The following CACNA2D2 variants were observed in gnomAD, a reference collection of about 807,000 sequenced individuals.
The protein encoded by CACNA2D2 is voltage-dependent calcium channel subunit alpha-2/delta-2.
A neutral mutation model predicts 166.4 loss-of-function variants in CACNA2D2; 48 were observed. The ratio of observed to expected loss-of-function variants is 0.29; its 90% CI spans 0.23 to 0.37. The LOEUF is 0.37. CACNA2D2 is among the 10% of genes least tolerant of loss of function. CACNA2D2 has a pLI of 1.00. For missense variants in CACNA2D2, 1,122 were observed against 1,433.0 expected (o/e 0.78, Z 3.50); for synonymous variants, 561 against 573.7 (o/e 0.98, Z 0.32).
intron 22 of CACNA2D2, among the ~76,000 whole-genome samples, chr3:50,370,970 G>A (rs1256463127): frequency 6.6e-6 from 1 of 152,064 alleles, no homozygotes; most frequent in African/African-American, 2.4e-5. Context: ...TTTCTCACGG[G>A]CACAAACAGT....
chr3:50,380,654 G>T lies in CACNA2D2; in HGVS notation c.842+94C>A. The T allele has an allele frequency of 1.9e-6, 2 of 1,057,374 alleles. No homozygotes were observed. Among genetic ancestry groups the T allele is most frequent in the Non-Finnish European group, 2.7e-6 (2 of 745,706 alleles). 65.5% of individuals were successfully genotyped at this position (1,057,374 alleles called of 1,614,324 possible). A position where few individuals can be genotyped will look rare whatever the true frequency, so the allele number is the denominator to read the frequency against. On this transcript the variant is annotated intron_variant, in intron 8 of 37. Coordinates refer to ENST00000424201, the MANE Select transcript of CACNA2D2 (RefSeq NM_006030.4). This position sits in a 1 kb window ranked among gnomAD's most constrained non-coding sequence, Gnocchi z 4.9. ...AATTGGATACAGCTGGCTGCGCCCTGCTAGGAGGCTTGGAAATGGGGAGGG... is the reference window on the plus strand; with the variant it reads ...AATTGGATACAGCTGGCTGCGCCCTTCTAGGAGGCTTGGAAATGGGGAGGG...
intron 2 of CACNA2D2, among the ~76,000 whole-genome samples, chr3:50,438,861 A>G (rs770360638): frequency 3.3e-5 from 5 of 152,214 alleles, no homozygotes; most frequent in Admixed American, 6.5e-5. Flanking sequence ...GGGAAAAGCA[A>G]GGAGGAAGGG....
chr3:50,368,770 G>A (rs1041133744), intron 23 of CACNA2D2, among the ~76,000 whole-genome samples: 1 of 152,188 alleles, frequency 6.6e-6, no homozygotes, highest in Non-Finnish European at 1.5e-5. Context: ...TGGGTCCTCC[G>A]ACTGGCTGTT....
rs527941630 is a variant in CACNA2D2 at position 50,415,702 on chromosome 3, G to C, written c.405+18611C>G. 7.3e-5 allele frequency: 11 copies of C among 149,748 alleles called. No individual in the cohort carries two copies. The East Asian group carries it at 2.1e-3, about 29-fold the overall frequency. The allele number at this position is 149,748 out of a possible 1,614,324, so 9.3% of individuals were successfully genotyped here. On this transcript the variant is annotated intron_variant, in intron 3 of 37. Coordinates refer to ENST00000424201, the MANE Select transcript of CACNA2D2 (RefSeq NM_006030.4). Reference sequence around the variant, plus strand: ...ACAGGCTGTGCACTCTCTGAGGCAGGAACAATGCTGTTTGTTTTTCCCCAT... The same window carrying C: ...ACAGGCTGTGCACTCTCTGAGGCAGCAACAATGCTGTTTGTTTTTCCCCAT...
intron 1 of CACNA2D2, among the ~76,000 whole-genome samples, chr3:50,485,473 T>C (rs1698239505): frequency 6.6e-6 from 1 of 152,262 alleles, no homozygotes; most frequent in Non-Finnish European, 1.5e-5. Flanking sequence ...ATAAATGTAT[T>C]TTAGAAGGTA....
chr3:50,443,906 T>C (rs937478522), intron 2 of CACNA2D2, among the ~76,000 whole-genome samples: 1 of 152,152 alleles, frequency 6.6e-6, no homozygotes, highest in Non-Finnish European at 1.5e-5. Flanking sequence ...CTCCCAATCA[T>C]GTCACAGCTC....
intron 4 of CACNA2D2, among the ~76,000 whole-genome samples, chr3:50,388,794 G>C (rs1202034716): frequency 6.6e-6 from 1 of 152,212 alleles, no homozygotes; most frequent in Non-Finnish European, 1.5e-5. Flanking sequence ...CTGTTTCAGT[G>C]AACAGTCCTA....
At chr3:50,456,498 T>C (rs1709365588) in intron 2 of CACNA2D2, among the ~76,000 whole-genome samples, 1 of 152,200 alleles carries the variant, frequency 6.6e-6, no homozygotes, top group South Asian at 2.1e-4. Flanking sequence ...GGCTCAAGCT[T>C]GCTAGGTGGC....
intron 2 of CACNA2D2, among the ~76,000 whole-genome samples, chr3:50,441,674 C>T (rs187691802): frequency 5.3e-5 from 8 of 152,372 alleles, no homozygotes; most frequent in East Asian, 3.9e-4. Context: ...CTGAAACATA[C>T]GCGAATTTCC....
At chr3:50,482,795 G>A (rs1426158156) in intron 1 of CACNA2D2, among the ~76,000 whole-genome samples, 12 of 152,240 alleles carry the variant, frequency 7.9e-5, no homozygotes, top group Non-Finnish European at 1.6e-4. Flanking sequence ...CCCTGGGGAA[G>A]GGCAGGGTTT....
Position 50,427,904 on chromosome 3 carries a change from A to G in CACNA2D2, c.405+6409T>C, listed in dbSNP as rs529260506. The stretch of plus-strand genomic sequence containing the variant: ...CGTCAGTGAATGCACCCGTGGACTC[A>G]GCTGAACTGGCCTCCAGCTGCCTCA... On this transcript the variant is annotated intron_variant, in intron 3 of 37. Coordinates refer to ENST00000424201, the MANE Select transcript of CACNA2D2 (RefSeq NM_006030.4). The surrounding 1 kb of genome is among the most constrained non-coding windows in gnomAD (Gnocchi z 4.7). 6.6e-5 allele frequency among the ~76,000 whole-genome samples: 10 copies of G among 152,306 alleles called. No homozygotes were observed. The highest frequency in any genetic ancestry group is 6.5e-4 in the Admixed American group (10 of 15,310).
chr3:50,468,474 G>A (rs913763561), intron 2 of CACNA2D2, among the ~76,000 whole-genome samples: 4 of 138,942 alleles, frequency 2.9e-5, no homozygotes, highest in African/African-American at 8.0e-5. Context: ...AAACCTTGCT[G>A]ATCCCCAAGA....
intron 13 of CACNA2D2, 112 bp from the exon 14 acceptor site, chr3:50,378,445 C>G: frequency 9.1e-7 from 1 of 1,099,494 alleles, no homozygotes; most frequent in South Asian, 1.4e-5. Context: ...TTGGGCTCCT[C>G]TCTTTTTGGG....
At chr3:50,462,484 C>T (rs918810190) in intron 2 of CACNA2D2, among the ~76,000 whole-genome samples, 3 of 151,334 alleles carry the variant, frequency 2.0e-5, no homozygotes, top group Non-Finnish European at 4.4e-5. Context: ...TGGTAGGAAA[C>T]AACTAAAAAA....
rs1708205791 is a variant in CACNA2D2 at position 50,434,266 on chromosome 3, T to A, written c.405+47A>T. 4 of 1,323,268 alleles carry A rather than the reference T, an allele frequency of 3.0e-6. No homozygotes were observed. In the East Asian group the frequency reaches 6.9e-5, roughly 23 times the overall value. The allele number at this position is 1,323,268 out of a possible 1,614,324, so 82.0% of individuals were successfully genotyped here. On this transcript the variant is annotated intron_variant, in intron 3 of 37. Transcript: ENST00000424201. ...CCTCATGGTACAGGACCTCTCCACC[T>A]GGCCCTCCCTCAGTGCCGCCCCCCT...
At chr3:50,468,439 G>GTGTGTGTGGC in intron 2 of CACNA2D2, among the ~76,000 whole-genome samples, 1 of 143,266 alleles carries the variant, frequency 7.0e-6, no homozygotes, top group South Asian at 2.3e-4. Context: ...GTGTGTGTGT[G>GTGTGTGTGGC]TGGCTTTAGG....
chr3:50,425,653 T>C (rs1707773166), intron 3 of CACNA2D2, among the ~76,000 whole-genome samples: 1 of 152,304 alleles, frequency 6.6e-6, no homozygotes, highest in South Asian at 2.1e-4. Flanking sequence ...GGTTTGTCCC[T>C]GTGGCACCTG....
Position 50,387,632 on chromosome 3 carries a change from C to T in CACNA2D2, c.466-20G>A, listed in dbSNP as rs1705679251. On this transcript the variant is annotated intron_variant, in intron 4 of 37. Transcript: ENST00000424201. ...TTCCTCCTGGTGAGGGGAGAGAGGC[C>T]TCAGCACTAGCTGCTCAGGGTCCCG... 2 of 1,606,528 alleles carry T rather than the reference C, an allele frequency of 1.2e-6. No homozygotes were observed. The highest frequency in any genetic ancestry group is 1.7e-6 in the Non-Finnish European group (2 of 1,174,284).
intron 1 of CACNA2D2, 59 bp from the exon 2 acceptor site, chr3:50,476,258 A>G: frequency 7.3e-7 from 1 of 1,367,174 alleles, no homozygotes; most frequent in South Asian, 1.2e-5. Context: ...GCACAGCCCC[A>G]CCCCAGCCAA....
Sources: gnomAD v4.1 joint callset for allele counts (sites outside exome capture counted in the v4.1 genomes callset) on GRCh38, gnomAD v4.1.1 for gene constraint, Gnocchi (gnomAD v3.1) non-coding constraint, MANE v1.5 for transcripts, NCBI Gene and HGNC (gene_info 2026-07-23, HGNC 2026-07-21) for gene names.